Variants in CUBN observed in about 807,000 individuals in gnomAD.
The protein encoded by CUBN is cubilin, also known as 460 kDa receptor.
In CUBN, 282 loss-of-function variants were observed where a neutral mutation model predicts 405.3. The ratio of observed to expected loss-of-function variants is 0.70; its 90% CI spans 0.63 to 0.77. The LOEUF (loss-of-function observed/expected upper bound fraction) is 0.77. CUBN is among the 30% of genes least tolerant of loss of function. The probability of loss-of-function intolerance (pLI) is 0.00; values close to 1 mark genes in which losing one functional copy is unlikely to be tolerated. For synonymous variants in CUBN, 1,684 were observed against 1,617.0 expected (o/e 1.04, Z -0.99); for missense variants, 4,514 against 4,475.2 (o/e 1.01, Z -0.25).
At chr10:17,001,040 C>T (rs990210631) in intron 28 of CUBN, among the ~76,000 whole-genome samples, 2 of 152,080 alleles carry the variant, frequency 1.3e-5, no homozygotes, top group Non-Finnish European at 2.9e-5. Flanking sequence ...CTGGTGCGTT[C>T]GTGATCTTGC....
chr10:16,915,084 G>T lies in CUBN; in HGVS notation c.7299C>A (p.Asp2433Glu). 3 of 1,613,974 alleles carry T rather than the reference G, an allele frequency of 1.9e-6. No homozygotes were observed. In the African/African-American group the frequency reaches 4.0e-5, roughly 22 times the overall value. Residue 2433 changes from aspartate to glutamate, a missense_variant, in exon 47 of 67, where the codon GAC becomes GAA. Asp to Glu is a conservative substitution (Grantham distance 45). Coordinates refer to ENST00000377833, the MANE Select transcript of CUBN (RefSeq NM_001081.4). Reference sequence around the variant, plus strand: ...TGAATCCTGAGGCAGTCACAGAGCCGTCTGTGACAAACCTGACCACAGCAG... The same window carrying T: ...TGAATCCTGAGGCAGTCACAGAGCCTTCTGTGACAAACCTGACCACAGCAG... ...SNTAVVRFVT[D>E]GSVTASGFRL...
At chr10:17,072,796 A>AT (rs1234237277) in intron 17 of CUBN, among the ~76,000 whole-genome samples, 4 of 152,138 alleles carry the variant, frequency 2.6e-5, no homozygotes, top group African/African-American at 9.7e-5. Flanking sequence ...AGATACTAAG[A>AT]TTTTTTTAAA....
chr10:17,103,346 T>A, intron 12 of CUBN, 109 bp from the exon 13 acceptor site: 1 of 737,758 alleles, frequency 1.4e-6, no homozygotes. Context: ...GTAATGAAGG[T>A]TGGAGATAAA....
At chr10:16,942,082 C>A (rs1343565005) in intron 36 of CUBN, among the ~76,000 whole-genome samples, 2 of 152,124 alleles carry the variant, frequency 1.3e-5, no homozygotes, top group African/African-American at 4.8e-5. Flanking sequence ...GATTAGTCAT[C>A]AGAGCAATGC....
intron 22 of CUBN, among the ~76,000 whole-genome samples, chr10:17,056,381 C>T (rs1311698457): frequency 1.3e-5 from 2 of 151,946 alleles, no homozygotes; most frequent in African/African-American, 2.4e-5. Context: ...GAAGACGAGG[C>T]GGGCGGATCA....
At chr10:16,953,319 A>G (rs1842968424) in intron 32 of CUBN, among the ~76,000 whole-genome samples, 2 of 152,158 alleles carry the variant, frequency 1.3e-5, no homozygotes, top group Admixed American at 1.3e-4. Flanking sequence ...CAACAAGAAT[A>G]TAGTCTGTCT....
intron 32 of CUBN, among the ~76,000 whole-genome samples, chr10:16,952,718 T>A (rs187438643): frequency 6.6e-6 from 1 of 152,316 alleles, no homozygotes; most frequent in African/African-American, 2.4e-5. Context: ...GGCATAGGGA[T>A]AATCTGCTTA....
intron 62 of CUBN, among the ~76,000 whole-genome samples, chr10:16,839,414 C>A (rs1178878134): frequency 6.6e-6 from 1 of 152,004 alleles, no homozygotes; most frequent in Non-Finnish European, 1.5e-5. Context: ...AGGATATGAA[C>A]AGACACTTCT....
At chr10:16,953,845 T>C (rs1393082048) in intron 32 of CUBN, among the ~76,000 whole-genome samples, 1 of 139,218 alleles carries the variant, frequency 7.2e-6, no homozygotes, top group Non-Finnish European at 1.5e-5. Context: ...AGAGAGACCC[T>C]GTGGAAAGAA....
At chr10:16,831,452 C>G (rs1838990138) in intron 64 of CUBN, 35 bp from the exon 65 acceptor site, 1 of 1,556,922 alleles carries the variant, frequency 6.4e-7, no homozygotes, top group Non-Finnish European at 8.9e-7. Flanking sequence ...TAAACTTACA[C>G]TTTCTTCTCT....
chr10:16,901,338 A>G lies in CUBN; in HGVS notation c.8184T>C (p.Thr2728=). The part of the protein sequence containing the change: ...LLEAPQGHTI[T]LTFSDFDIEP... ...ATTTCACCCAGTCATTAGCACTCAC[A>G]GTGATGGTGTGCCCTTGTGGGGCCT... Residue 2728 remains threonine (T), a splice_region_variant and synonymous_variant, in exon 52 of 67, where the codon ACT becomes ACC. Transcript: ENST00000377833. 2 of 1,614,152 alleles carry G rather than the reference A, an allele frequency of 1.2e-6. No homozygotes were observed. Among genetic ancestry groups the G allele is most frequent in the Non-Finnish European group, 1.7e-6 (2 of 1,179,982 alleles).
chr10:17,050,288 T>C (rs559819444), intron 22 of CUBN, among the ~76,000 whole-genome samples: 67 of 152,308 alleles, frequency 4.4e-4, no homozygotes, highest in African/African-American at 1.6e-3. Context: ...TTGGACAATC[T>C]GCAGTACAAG....
intron 56 of CUBN, among the ~76,000 whole-genome samples, chr10:16,879,591 C>T (rs1391798615): frequency 6.6e-6 from 1 of 152,204 alleles, no homozygotes; most frequent in Non-Finnish European, 1.5e-5. Context: ...AATCGTTATG[C>T]ACACTTACTT....
intron 28 of CUBN, among the ~76,000 whole-genome samples, chr10:17,006,651 T>C (rs112687668): frequency 0.024 from 3,584 of 152,244 alleles, 99 homozygotes; most frequent in African/African-American, 0.067. Context: ...TTTCTGCCAG[T>C]GCTCTAAAGA....
At chr10:16,900,985 C>T (rs1564412149) in intron 52 of CUBN, 135 bp from the exon 53 acceptor site, 7 of 746,214 alleles carry the variant, frequency 9.4e-6, no homozygotes, top group Non-Finnish European at 1.5e-5. Context: ...TCTCCCTTCC[C>T]CTCTACTTTT....
Position 16,990,465 on chromosome 10 carries a change from A to C in CUBN, c.4219T>G (p.Phe1407Val), listed in dbSNP as rs1588557119. The C allele has an allele frequency of 6.2e-7, 1 of 1,614,006 alleles. No individual in the cohort carries two copies. The highest frequency in any genetic ancestry group is 8.5e-7 in the Non-Finnish European group (1 of 1,179,882). Residue 1407 changes from phenylalanine to valine, a missense_variant, in exon 29 of 67, where the codon TTC (phenylalanine) becomes GTC (valine). Around this residue, in one of 5 missense-constraint regions of CUBN, gnomAD observed 1,613 missense variants for 1,542.8 expected, o/e 1.05. Coordinates refer to ENST00000377833, the MANE Select transcript of CUBN (RefSeq NM_001081.4). ...GATGSFSSPG[F>V]PNRYPPNKEC... is the part of the protein sequence containing the mutation. ...TTGTTTGGTGGATACCTGTTGGGGAACCCGGGGCTGCTGAAGGAGCCTGTG... is the reference window on the plus strand; with the variant it reads ...TTGTTTGGTGGATACCTGTTGGGGACCCCGGGGCTGCTGAAGGAGCCTGTG...
At chr10:16,878,504 G>C (rs914657025) in intron 56 of CUBN, among the ~76,000 whole-genome samples, 2 of 152,072 alleles carry the variant, frequency 1.3e-5, no homozygotes, top group African/African-American at 4.8e-5. Context: ...AATATTTGAG[G>C]AAGTTTTTCA....
intron 29 of CUBN, among the ~76,000 whole-genome samples, chr10:16,989,962 C>A (rs948487892): frequency 3.3e-5 from 5 of 152,242 alleles, no homozygotes; most frequent in Non-Finnish European, 4.4e-5. Flanking sequence ...CCAATGGGAA[C>A]CAGAGTTGGC....
intron 17 of CUBN, among the ~76,000 whole-genome samples, chr10:17,077,216 C>T (rs1835872160): frequency 6.6e-6 from 1 of 152,104 alleles, no homozygotes; most frequent in African/African-American, 2.4e-5. Flanking sequence ...GTTTCAGGTC[C>T]CAGGATGTTC....
Sources: allele counts gnomAD v4.1 joint callset (sites outside exome capture counted in the v4.1 genomes callset), GRCh38; gene constraint gnomAD v4.1.1; regional missense constraint gnomAD v4.1.1; transcripts MANE v1.5; gene names NCBI Gene and HGNC (gene_info 2026-07-23, HGNC 2026-07-21).